XPO4: variants seen among roughly 807,000 people sequenced by gnomAD.
XPO4 encodes the protein exportin 4.
XPO4 carries 39 observed loss-of-function variants against 143.0 expected under a neutral mutation model. That is an observed-to-expected ratio of 0.27 (90% CI 0.21 to 0.36). The LOEUF (loss-of-function observed/expected upper bound fraction) is 0.36. XPO4 is among the 10% of genes least tolerant of loss of function. XPO4 has a pLI of 1.00. For missense variants in XPO4, 907 were observed against 1,348.0 expected, an observed-to-expected ratio of 0.67 and a Z score of 5.12; for synonymous variants, 439 against 474.0, an observed-to-expected ratio of 0.93 and a Z score of 0.96.
In XPO4 at chr13:20,843,764, C is replaced by G; in HGVS notation, c.573+6G>C. The G allele has an allele frequency of 6.3e-7, 1 of 1,593,780 alleles. No individual in the cohort carries two copies. Among genetic ancestry groups the G allele is most frequent in the Non-Finnish European group, 8.6e-7 (1 of 1,162,584 alleles). ...AATTAAAACTCAAGAACAAAACTAC[C>G]AATACCTGAAAAACTCTTTTGCAGT... On this transcript the variant is annotated splice_donor_region_variant and intron_variant, in intron 5 of 22. Transcript: ENST00000255305.
intron 3 of XPO4, among the ~76,000 whole-genome samples, chr13:20,861,348 T>G (rs1199994405): frequency 6.9e-6 from 1 of 144,802 alleles, no homozygotes; most frequent in Non-Finnish European, 1.5e-5. Context: ...TAGGCTGGAG[T>G]GCAGTGGCTC....
chr13:20,808,437 T>C lies in XPO4; in HGVS notation c.1638A>G (p.Thr546=), dbSNP rs775765196. The change falls in exon 12 of 23, where the codon ACA becomes ACG. Residue 546 remains threonine, a splice_region_variant and synonymous_variant. Transcript: ENST00000255305. ...TTTAAAAAGAAACCACCAACCAACC[T>C]GTAACTAAAATAAGCCAGTGAATAT... ...YEDIHWLILV[T]GYLLADDTQG... 1.3e-6 allele frequency: 2 copies of C among 1,517,034 alleles called. No individual in the cohort carries two copies. The allele number at this position is 1,517,034 out of a possible 1,614,324, so 94.0% of individuals were successfully genotyped here. A position where few individuals can be genotyped will look rare whatever the true frequency, so the allele number is the denominator to read the frequency against.
At chr13:20,825,675 C>A (rs1291725226) in intron 7 of XPO4, among the ~76,000 whole-genome samples, 1 of 152,114 alleles carries the variant, frequency 6.6e-6, no homozygotes, top group Admixed American at 6.5e-5. Flanking sequence ...TACTTTCAGT[C>A]AAGTGCATAA....
chr13:20,781,099 T>C lies in XPO4; in HGVS notation c.*2623A>G, dbSNP rs1012575075. 3 of 152,136 alleles carry C rather than the reference T, an allele frequency of 2.0e-5. No homozygotes were observed. Among genetic ancestry groups the C allele is most frequent in the East Asian group, 1.9e-4 (1 of 5,204 alleles). 9.4% of individuals were successfully genotyped at this position (152,136 alleles called of 1,614,324 possible). A position where few individuals can be genotyped will look rare whatever the true frequency, so the allele number is the denominator to read the frequency against. On this transcript the variant is annotated 3_prime_UTR_variant, in exon 23 of 23. Transcript: ENST00000255305. ...AAATGAAATACTTGACAGTGTCCCT[T>C]TGACATATATAAAAGAGGGCACAAA...
chr13:20,898,698 G>T (rs2060591852), intron 1 of XPO4, among the ~76,000 whole-genome samples: 1 of 152,130 alleles, frequency 6.6e-6, no homozygotes, highest in Non-Finnish European at 1.5e-5. Flanking sequence ...TGAAGACAGG[G>T]CAACAAAACC....
Position 20,902,712 on chromosome 13 carries a change from T to C in XPO4, c.27A>G (p.Pro9=), listed in dbSNP as rs1303882271. The change falls in exon 1 of 23, where the codon CCA becomes CCG. Residue 9 remains proline (P), a synonymous_variant. Coordinates refer to ENST00000255305, the MANE Select transcript of XPO4 (RefSeq NM_022459.5). MMAAALGP[P]EVIAQLENAA... ...CGTTCTCCAGCTGAGCGATCACTTC[T>C]GGGGGCCCCAGCGCCGCCGCCATCA... is the stretch of plus-strand genomic sequence containing the variant. 4.9e-5 allele frequency: 77 copies of C among 1,566,422 alleles called. No homozygotes were observed. Among genetic ancestry groups the C allele is most frequent in the Middle Eastern group, 1.7e-4 (1 of 5,912 alleles).
intron 9 of XPO4, among the ~76,000 whole-genome samples, chr13:20,818,857 G>C (rs2059684159): frequency 6.7e-6 from 1 of 150,080 alleles, no homozygotes; most frequent in Non-Finnish European, 1.5e-5. Flanking sequence ...TTTCGTTCTT[G>C]TCACCCAGGC....
chr13:20,842,112 C>T (rs2138057654), intron 6 of XPO4, among the ~76,000 whole-genome samples: 2 of 152,224 alleles, frequency 1.3e-5, no homozygotes, highest in African/African-American at 2.4e-5. Flanking sequence ...ATCCATACCC[C>T]CATTTTACAT....
intron 9 of XPO4, 59 bp from the exon 10 acceptor site, chr13:20,810,026 C>T: frequency 7.0e-7 from 1 of 1,423,338 alleles, no homozygotes; most frequent in Admixed American, 2.2e-5. Context: ...GGCATAACAA[C>T]AGTCATATAA....
At position 20,862,725 on chromosome 13, in the gene XPO4, T is replaced by C. The variant is rs2060213566; in HGVS notation, c.309A>G (p.Gln103=). ...CCCCTCCATGTACTTACTTGGGCCT[T>C]TGTAAGACATAGGTTAAAAGGAATG... ...LRTFLLTYVL[Q]RPNLQKYVRE... Residue 103 remains glutamine, a synonymous_variant, in exon 3 of 23, where the codon CAA becomes CAG. Transcript: ENST00000255305. The C allele has an allele frequency of 5.0e-6, 8 of 1,613,982 alleles. No individual in the cohort carries two copies. Among genetic ancestry groups the C allele is most frequent in the Non-Finnish European group, 6.8e-6 (8 of 1,179,978 alleles).
At chr13:20,876,785 AGGG>A (rs1463115846) in intron 1 of XPO4, among the ~76,000 whole-genome samples, 1 of 152,200 alleles carries the variant, frequency 6.6e-6, no homozygotes, top group African/African-American at 2.4e-5. Context: ...CCTGGTCCTC[AGGG>A]TGAGTGTTCC....
chr13:20,864,796 T>C (rs919796552), intron 2 of XPO4, among the ~76,000 whole-genome samples: 13 of 152,048 alleles, frequency 8.5e-5, no homozygotes, highest in Non-Finnish European at 5.9e-5. Flanking sequence ...ATTCTTTTTC[T>C]TAGACCTCTG....
intron 2 of XPO4, chr13:20,865,493 C>G: frequency 1.0e-6 from 1 of 985,250 alleles, no homozygotes; most frequent in South Asian, 4.7e-5. Flanking sequence ...AGGACACTGT[C>G]CAGAGAATAA....
chr13:20,897,593 G>C (rs1053693262), intron 1 of XPO4, among the ~76,000 whole-genome samples: 1 of 152,028 alleles, frequency 6.6e-6, no homozygotes. Flanking sequence ...TGTCTCCTCA[G>C]CATACACAGC....
intron 1 of XPO4, among the ~76,000 whole-genome samples, chr13:20,870,521 C>T (rs2060285665): frequency 2.0e-5 from 3 of 150,908 alleles, no homozygotes; most frequent in African/African-American, 7.3e-5. Flanking sequence ...GAGATCAAGG[C>T]GGGTAGATCA....
At chr13:20,786,405 A>G (rs2141475838) in intron 22 of XPO4, among the ~76,000 whole-genome samples, 1 of 152,070 alleles carries the variant, frequency 6.6e-6, no homozygotes, top group South Asian at 2.1e-4. Flanking sequence ...ACTGTTCAAT[A>G]CGGTCCTTTT....
intron 1 of XPO4, among the ~76,000 whole-genome samples, chr13:20,887,924 C>T (rs892937198): frequency 2.0e-5 from 3 of 151,194 alleles, no homozygotes; most frequent in South Asian, 2.1e-4. Flanking sequence ...TCTGTAATTC[C>T]GGCACTTTGG....
rs2059463795 is a variant in XPO4, at chr13:20,803,565, G to A, written c.1818-2575C>T. Among the ~76,000 whole-genome samples, 1 of 152,042 alleles carries A rather than the reference G, an allele frequency of 6.6e-6. No individual in the cohort carries two copies. The stretch of plus-strand genomic sequence containing the variant: ...AGGAAAATGCTTCCTAACTTGCCTT[G>A]TCACCCTTTAAATTTATCACCCATG... On this transcript the variant is annotated intron_variant, in intron 13 of 22. Transcript: ENST00000255305. The surrounding 1 kb of genome is among the most constrained non-coding windows in gnomAD (Gnocchi z 4.1).
chr13:20,841,828 C>T (rs555727862), intron 6 of XPO4, among the ~76,000 whole-genome samples: 1 of 151,150 alleles, frequency 6.6e-6, no homozygotes, highest in African/African-American at 2.4e-5. Context: ...AAATGAGTCC[C>T]ATACTAGATC....
Sources: allele counts gnomAD v4.1 joint callset (sites outside exome capture counted in the v4.1 genomes callset), GRCh38; gene constraint gnomAD v4.1.1; non-coding constraint Gnocchi (gnomAD v3.1); transcripts MANE v1.5; gene names NCBI Gene and HGNC (gene_info 2026-07-23, HGNC 2026-07-21).